Variants in KAZN observed in about 807,000 individuals in gnomAD.
The protein encoded by KAZN is kazrin, periplakin interacting protein.
KAZN carries 40 observed loss-of-function variants against 87.4 expected under a neutral mutation model. That is an observed-to-expected ratio of 0.46 (90% CI 0.36 to 0.60). The LOEUF is 0.60. KAZN is among the 20% of genes least tolerant of loss of function. KAZN has a pLI of 0.00. For synonymous variants in KAZN, 466 were observed against 458.3 expected (o/e 1.02, Z -0.22); for missense variants, 898 against 1,073.9 (o/e 0.84, Z 2.29).
At chr1:14,689,257 C>A (rs1346910798) in intron 1 of KAZN, among the ~76,000 whole-genome samples, 1 of 152,016 alleles carries the variant, frequency 6.6e-6, no homozygotes, top group South Asian at 2.1e-4. Flanking sequence ...ATTGGTAAAA[C>A]CATGCTGGGT....
At chr1:15,041,331 C>CTTTTTTTTTTTTTTTTTTTTTTTTT (rs71000360) in intron 3 of KAZN, among the ~76,000 whole-genome samples, 2 of 114,136 alleles carry the variant, frequency 1.8e-5, no homozygotes, top group African/African-American at 3.5e-5. Context: ...CATTTTTTTT[C>CTTTTTTTTTTTTTTTTTTTTTTTTT]TTTTTTTTTT....
chr1:14,722,042 C>T (rs1394271018), intron 1 of KAZN, among the ~76,000 whole-genome samples: 2 of 151,948 alleles, frequency 1.3e-5, no homozygotes, highest in Non-Finnish European at 2.9e-5. Context: ...GTAATCTCAG[C>T]TACTTGGGAG....
At chr1:14,581,744 C>A (rs916284185) in intron 2 of KAZN, among the ~76,000 whole-genome samples, 3 of 152,156 alleles carry the variant, frequency 2.0e-5, no homozygotes, top group Non-Finnish European at 4.4e-5. Flanking sequence ...CAAGTCAGGG[C>A]CTCTCATATC....
chr1:14,125,775 A>G (rs900247779), intron 1 of KAZN, among the ~76,000 whole-genome samples: 2 of 152,122 alleles, frequency 1.3e-5, no homozygotes, highest in Non-Finnish European at 2.9e-5. Context: ...CATGGAAGAA[A>G]CATTACCCTG....
intron 1 of KAZN, among the ~76,000 whole-genome samples, chr1:14,056,451 A>C (rs1642558983): frequency 6.6e-6 from 1 of 152,210 alleles, no homozygotes; most frequent in South Asian, 2.1e-4. Flanking sequence ...GCATACAAAC[A>C]GATTTCCCCT....
At chr1:14,214,007 G>A (rs1646908296) in intron 2 of KAZN, among the ~76,000 whole-genome samples, 1 of 152,174 alleles carries the variant, frequency 6.6e-6, no homozygotes, top group African/African-American at 2.4e-5. Context: ...GATTTGGCGT[G>A]GGCTTAAGGA....
At chr1:14,159,676 A>G (rs978083822) in intron 1 of KAZN, among the ~76,000 whole-genome samples, 7 of 152,164 alleles carry the variant, frequency 4.6e-5, no homozygotes, top group African/African-American at 1.4e-4. Context: ...AAGTGAAAGG[A>G]GTCTTGCCCC....
intron 1 of KAZN, among the ~76,000 whole-genome samples, chr1:13,936,302 G>A (rs10754902): frequency 0.78 from 118,583 of 151,164 alleles, 46,625 homozygotes; most frequent in South Asian, 0.93. Context: ...GAGTTTCTCC[G>A]TGTTGGTCAG....
chr1:14,260,568 T>G lies in KAZN; in HGVS notation c.249+79976T>G, dbSNP rs371461039. Among the ~76,000 whole-genome samples, 9 of 152,168 alleles carry G rather than the reference T, an allele frequency of 5.9e-5. No individual in the cohort carries two copies. In the East Asian group the frequency reaches 1.2e-3, roughly 20 times the overall value. On this transcript the variant is annotated intron_variant, in intron 2 of 16. Transcript: ENST00000636203. ...GGTTACAGCTGGATGGAGACATCAT[T>G]AACTACGATCCACCTGAAAGACAGC...
intron 1 of KAZN, among the ~76,000 whole-genome samples, chr1:14,845,246 A>G (rs1367627749): frequency 1.2e-4 from 14 of 115,480 alleles, no homozygotes; most frequent in South Asian, 3.1e-4. Flanking sequence ...TGGATGGGTG[A>G]GTGGGTGGAT....
chr1:14,450,818 C>T (rs72872337), intron 2 of KAZN, among the ~76,000 whole-genome samples: 29,759 of 151,756 alleles, frequency 0.2, 3,229 homozygotes, highest in African/African-American at 0.25. Flanking sequence ...GGATGTCATC[C>T]CCTCTAAATC....
At chr1:14,365,340 C>A (rs1181031817) in intron 2 of KAZN, among the ~76,000 whole-genome samples, 4 of 144,554 alleles carry the variant, frequency 2.8e-5, no homozygotes, top group Admixed American at 7.1e-5. Context: ...AGCCACCGCG[C>A]CCCGGCGCCC....
chr1:14,203,583 T>G (rs916981888), intron 2 of KAZN, among the ~76,000 whole-genome samples: 1 of 152,164 alleles, frequency 6.6e-6, no homozygotes, highest in Admixed American at 6.5e-5. Flanking sequence ...GAAACAGAGA[T>G]TCACATCCCT....
intron 2 of KAZN, among the ~76,000 whole-genome samples, chr1:14,407,481 G>C (rs1467459644): frequency 6.6e-6 from 1 of 152,158 alleles, no homozygotes; most frequent in Non-Finnish European, 1.5e-5. Flanking sequence ...TGTGATTGTA[G>C]CTCCAAAGAA....
intron 1 of KAZN, among the ~76,000 whole-genome samples, chr1:13,966,388 CTG>C (rs145562820): frequency 0.023 from 3,432 of 152,346 alleles, 57 homozygotes; most frequent in South Asian, 0.061. Context: ...TGGCTCTGAC[CTG>C]TCTTTACAGT....
Position 14,021,563 on chromosome 1 carries a change from T to A in KAZN, c.91+127807T>A, listed in dbSNP as rs555584735. On this transcript the variant is annotated intron_variant, in intron 1 of 16. Coordinates refer to the KAZN transcript ENST00000636203. ...TTGTGGAAGGAGGAGAGGGTCTAGG[T>A]CTCTCTATTTTTTCCAAGTTCCCCA... Among the ~76,000 whole-genome samples the A allele has an allele frequency of 1.6e-3, 251 of 152,190 alleles. 11 individuals are homozygous for A. The South Asian group carries it at 0.051, about 31-fold the overall frequency.
intron 1 of KAZN, among the ~76,000 whole-genome samples, chr1:14,845,242 G>GGTGA (rs1648585504): frequency 6.6e-6 from 1 of 150,654 alleles, no homozygotes; most frequent in African/African-American, 2.4e-5. Context: ...TGGATGGATG[G>GGTGA]GTGAGTGGGT....
intron 1 of KAZN, among the ~76,000 whole-genome samples, chr1:14,775,482 TCCAGGTCAG>T (rs1241937513): frequency 6.6e-6 from 1 of 152,198 alleles, no homozygotes; most frequent in Non-Finnish European, 1.5e-5. Flanking sequence ...TCAGAGATGA[TCCAGGTCAG>T]CCTTGGCGTC....
At chr1:14,938,453 G>A (rs1454660173) in intron 1 of KAZN, among the ~76,000 whole-genome samples, 3 of 151,378 alleles carry the variant, frequency 2.0e-5, no homozygotes, top group African/African-American at 7.3e-5. Flanking sequence ...GAGGCAGGAG[G>A]ATCACTGGAA....
Sources: gnomAD v4.1 joint callset for allele counts (sites outside exome capture counted in the v4.1 genomes callset) on GRCh38, gnomAD v4.1.1 for gene constraint, MANE v1.5 for transcripts, NCBI Gene and HGNC (gene_info 2026-07-23, HGNC 2026-07-21) for gene names.